DMRT1: variants seen among roughly 807,000 people sequenced by gnomAD.
The protein encoded by DMRT1 is doublesex and mab-3 related transcription factor 1.
Under a neutral mutation model 32.3 loss-of-function variants are expected in DMRT1, and 7 were observed. The observed-to-expected ratio is 0.22, with a 90% CI of 0.12 to 0.41. DMRT1 has a LOEUF of 0.41. Among genes scored for constraint, DMRT1 ranks in the 10% least tolerant of loss-of-function variants. The pLI is 1.00. For synonymous variants in DMRT1, 278 were observed against 206.1 expected (o/e 1.35, Z -2.99); for missense variants, 625 against 500.5 (o/e 1.25, Z -2.37).
At chr9:956,519 G>A (rs1383335292) in intron 4 of DMRT1, among the ~76,000 whole-genome samples, 1 of 149,712 alleles carries the variant, frequency 6.7e-6, no homozygotes, top group South Asian at 2.1e-4. Flanking sequence ...AGTTATGATT[G>A]AGCCATTGCA....
At chr9:881,710 A>G (rs1816742439) in intron 2 of DMRT1, among the ~76,000 whole-genome samples, 1 of 152,248 alleles carries the variant, frequency 6.6e-6, no homozygotes, top group Admixed American at 6.5e-5. Flanking sequence ...AGTGTACGAA[A>G]TATTTAAAAG....
intron 2 of DMRT1, among the ~76,000 whole-genome samples, chr9:859,185 A>G (rs1368215271): frequency 6.6e-6 from 1 of 151,734 alleles, no homozygotes; most frequent in East Asian, 1.9e-4. Flanking sequence ...GGCTCTCTTA[A>G]CTCCCAAATG....
chr9:962,153 A>G (rs1446438556), intron 4 of DMRT1, among the ~76,000 whole-genome samples: 1 of 152,208 alleles, frequency 6.6e-6, no homozygotes, highest in African/African-American at 2.4e-5. Flanking sequence ...GATTGCGTGT[A>G]TCACCAAATG....
chr9:908,195 G>A (rs1303666705), intron 3 of DMRT1, among the ~76,000 whole-genome samples: 2 of 152,186 alleles, frequency 1.3e-5, no homozygotes, highest in South Asian at 2.1e-4. Flanking sequence ...GCTCATGCCT[G>A]TAATCCTAGC....
chr9:860,413 T>G (rs1408275524), intron 2 of DMRT1, among the ~76,000 whole-genome samples: 2 of 151,330 alleles, frequency 1.3e-5, no homozygotes, highest in African/African-American at 2.4e-5. Flanking sequence ...ATTGAATTCA[T>G]CTCTGCTGGA....
intron 4 of DMRT1, among the ~76,000 whole-genome samples, chr9:922,390 G>A (rs1367904256): frequency 6.6e-6 from 1 of 152,132 alleles, no homozygotes; most frequent in Non-Finnish European, 1.5e-5. Flanking sequence ...CAAGCTGTTC[G>A]GGAAGTGGTA....
At chr9:967,964 C>T (rs1179549887) in intron 4 of DMRT1, 21 bp from the exon 5 acceptor site, 1 of 1,612,298 alleles carries the variant, frequency 6.2e-7, no homozygotes, top group Admixed American at 1.7e-5. Flanking sequence ...TTCTCTCTTT[C>T]TCTCTCACCT....
intron 2 of DMRT1, among the ~76,000 whole-genome samples, chr9:865,631 A>G (rs529801280): frequency 6.6e-6 from 1 of 152,336 alleles, no homozygotes; most frequent in Non-Finnish European, 1.5e-5. Context: ...AAATGAAGCT[A>G]CCTGAACAGA....
At chr9:915,213 CTGT>C (rs1465031200) in intron 3 of DMRT1, among the ~76,000 whole-genome samples, 1 of 152,162 alleles carries the variant, frequency 6.6e-6, no homozygotes, top group Non-Finnish European at 1.5e-5. Flanking sequence ...AAGTCCAGCT[CTGT>C]TGTTGCCGTG....
At chr9:925,311 ATAAATC>A (rs1304416267) in intron 4 of DMRT1, among the ~76,000 whole-genome samples, 1 of 152,214 alleles carries the variant, frequency 6.6e-6, no homozygotes, top group African/African-American at 2.4e-5. Flanking sequence ...ATTCAGTGAA[ATAAATC>A]AGACACCAAC....
chr9:927,180 T>A (rs1818553914), intron 4 of DMRT1, among the ~76,000 whole-genome samples: 1 of 152,238 alleles, frequency 6.6e-6, no homozygotes, highest in Non-Finnish European at 1.5e-5. Context: ...AAGTACAACT[T>A]GAATAACCTT....
intron 2 of DMRT1, among the ~76,000 whole-genome samples, chr9:849,312 C>T (rs537632406): frequency 6.6e-6 from 1 of 152,122 alleles, no homozygotes; most frequent in Non-Finnish European, 1.5e-5. Flanking sequence ...GTCTAATCCT[C>T]AGAGTAATTT....
At chr9:898,118 A>G (rs115235855) in intron 3 of DMRT1, among the ~76,000 whole-genome samples, 6,843 of 141,792 alleles carry the variant, frequency 0.048, 326 homozygotes, top group East Asian at 0.17. Context: ...TTCTTTTGTT[A>G]TTGTTGTTTT....
At chr9:879,086 C>T (rs889446563) in intron 2 of DMRT1, among the ~76,000 whole-genome samples, 1 of 152,176 alleles carries the variant, frequency 6.6e-6, no homozygotes, top group Non-Finnish European at 1.5e-5. Context: ...ACTAATAACA[C>T]AACCCTGAGA....
At chr9:869,664 T>C (rs550792803) in intron 2 of DMRT1, among the ~76,000 whole-genome samples, 1 of 152,348 alleles carries the variant, frequency 6.6e-6, no homozygotes, top group Non-Finnish European at 1.5e-5. Context: ...CTTAAAGCTC[T>C]CTATATTTAA....
intron 4 of DMRT1, among the ~76,000 whole-genome samples, chr9:961,999 C>T (rs948918079): frequency 1.3e-5 from 2 of 152,114 alleles, no homozygotes; most frequent in African/African-American, 4.8e-5. Context: ...TACTGGAGAG[C>T]AGAGGAGAGC....
chr9:868,062 T>G (rs1816069194), intron 2 of DMRT1, among the ~76,000 whole-genome samples: 1 of 152,182 alleles, frequency 6.6e-6, no homozygotes, highest in Non-Finnish European at 1.5e-5. Context: ...ACTGCAGCCT[T>G]GACTTCCTGG....
intron 2 of DMRT1, among the ~76,000 whole-genome samples, chr9:890,357 T>G (rs1216370393): frequency 1.3e-5 from 2 of 152,194 alleles, no homozygotes; most frequent in African/African-American, 4.8e-5. Flanking sequence ...TTGGAATGTC[T>G]CATCTCATTA....
At chr9:889,227 T>G (rs1369396946) in intron 2 of DMRT1, among the ~76,000 whole-genome samples, 1 of 152,202 alleles carries the variant, frequency 6.6e-6, no homozygotes, top group Non-Finnish European at 1.5e-5. Context: ...ATGAAGCTGT[T>G]TTTAACACTG....
Sources: allele counts gnomAD v4.1 joint callset (sites outside exome capture counted in the v4.1 genomes callset), GRCh38; gene constraint gnomAD v4.1.1; transcripts MANE v1.5; gene names NCBI Gene and HGNC (gene_info 2026-07-23, HGNC 2026-07-21).